Variants in KATNAL2 observed in about 807,000 individuals in gnomAD.
KATNAL2 encodes katanin catalytic subunit A1 like 2, also known as katanin p60 ATPase-containing subunit A-like 2.
KATNAL2 carries 52 observed loss-of-function variants against 76.3 expected under a neutral mutation model. The ratio of observed to expected loss-of-function variants is 0.68; its 90% confidence interval spans 0.55 to 0.86. The LOEUF is 0.86. KATNAL2 is among the 40% of genes least tolerant of loss of function. KATNAL2 has a pLI of 0.00. For missense variants in KATNAL2, 660 were observed against 668.9 expected (o/e 0.99, Z 0.15); for synonymous variants, 243 against 244.2 (o/e 1.00, Z 0.05).
chr18:47,037,522 A>G (rs2060821568), intron 3 of KATNAL2, among the ~76,000 whole-genome samples: 1 of 152,144 alleles, frequency 6.6e-6, no homozygotes, highest in Non-Finnish European at 1.5e-5. Context: ...TTTGCGGGGA[A>G]TGGCTCATTC....
intron 15 of KATNAL2, among the ~76,000 whole-genome samples, chr18:47,089,911 T>TAAA (rs201452881): frequency 2.1e-4 from 32 of 150,618 alleles, no homozygotes; most frequent in African/African-American, 7.8e-4. Context: ...GTATTTCTTT[T>TAAA]AAAAAAAAAA....
At chr18:47,097,004 C>T (rs1344476742) in intron 15 of KATNAL2, among the ~76,000 whole-genome samples, 1 of 150,922 alleles carries the variant, frequency 6.6e-6, no homozygotes, top group Admixed American at 6.6e-5. Context: ...CCTGTAGTCC[C>T]AGCTACTGGG....
intron 3 of KATNAL2, among the ~76,000 whole-genome samples, chr18:46,948,911 T>C (rs1265669591): frequency 6.6e-6 from 1 of 151,766 alleles, no homozygotes; most frequent in Non-Finnish European, 1.5e-5. Flanking sequence ...TGTGTGTGTG[T>C]GTGTGTGTTT....
At chr18:47,058,483 A>G (rs1312633114) in intron 7 of KATNAL2, 131 bp downstream of exon 7, 1 of 611,694 alleles carries the variant, frequency 1.6e-6, no homozygotes, top group Non-Finnish European at 2.9e-6. Flanking sequence ...ATTGAATTTT[A>G]GGTTTTCTTC....
At chr18:46,968,116 C>T (rs1250017357) in intron 3 of KATNAL2, among the ~76,000 whole-genome samples, 2 of 117,454 alleles carry the variant, frequency 1.7e-5, no homozygotes, top group Non-Finnish European at 1.9e-5. Flanking sequence ...TTTGTGGAGA[C>T]GGGGTTTCTC....
intron 10 of KATNAL2, among the ~76,000 whole-genome samples, chr18:47,065,910 A>C (rs1259029541): frequency 6.6e-6 from 1 of 152,094 alleles, no homozygotes; most frequent in Non-Finnish European, 1.5e-5. Flanking sequence ...GGCTGCAGTG[A>C]GTGGTGATCA....
chr18:46,933,730 G>A (rs533159831), intron 1 of KATNAL2, among the ~76,000 whole-genome samples: 6,332 of 142,844 alleles, frequency 0.044, 166 homozygotes, highest in Non-Finnish European at 0.063. Context: ...ATGTTGGTGT[G>A]CTGCACCCAT....
chr18:47,076,826 T>C (rs1008083213), intron 14 of KATNAL2, among the ~76,000 whole-genome samples: 1 of 148,240 alleles, frequency 6.7e-6, no homozygotes, highest in South Asian at 2.1e-4. Flanking sequence ...CACATATATA[T>C]ATAGAGAGAG....
intron 3 of KATNAL2, among the ~76,000 whole-genome samples, chr18:46,954,358 G>T (rs1478568369): frequency 7.6e-6 from 1 of 131,450 alleles, no homozygotes; most frequent in South Asian, 2.6e-4. Flanking sequence ...CTGAGATGGA[G>T]TCTTGCTCTG....
Position 47,054,552 on chromosome 18 carries a change from A to G in KATNAL2, c.332+114A>G, listed in dbSNP as rs185344855. 6,668 of 1,045,676 alleles carry G rather than the reference A, an allele frequency of 6.4e-3. 28 individuals are homozygous for G. The highest frequency in any genetic ancestry group is 8.7e-3 in the Non-Finnish European group (5,960 of 682,880). The allele number at this position is 1,045,676 out of a possible 1,614,324, so 64.8% of individuals were successfully genotyped here. On this transcript the variant is annotated intron_variant, in intron 6 of 17. Transcript: ENST00000683218. ...ACTGTCTCCCAGCAATACTGACTGC[A>G]GTCATGTGACCTGGCCCAGCCCAGG... is the stretch of plus-strand genomic sequence containing the variant.
chr18:47,095,751 G>C (rs1413417989), intron 15 of KATNAL2, among the ~76,000 whole-genome samples: 1 of 152,198 alleles, frequency 6.6e-6, no homozygotes, highest in East Asian at 1.9e-4. Context: ...TGTGGTGTGG[G>C]TGCTGACCAG....
chr18:46,936,912 G>C (rs1285404795), intron 1 of KATNAL2, among the ~76,000 whole-genome samples: 2 of 152,142 alleles, frequency 1.3e-5, no homozygotes, highest in Non-Finnish European at 2.9e-5. Flanking sequence ...ACAAGATCAT[G>C]CCATTGCACT....
chr18:46,957,430 A>G (rs917583583), intron 3 of KATNAL2, among the ~76,000 whole-genome samples: 4 of 146,750 alleles, frequency 2.7e-5, no homozygotes, highest in Admixed American at 1.4e-4. Flanking sequence ...AATTTTTTGT[A>G]TTTTTAGTAG....
chr18:46,956,378 T>C (rs1036093975), intron 3 of KATNAL2, among the ~76,000 whole-genome samples: 2 of 152,214 alleles, frequency 1.3e-5, no homozygotes, highest in African/African-American at 4.8e-5. Flanking sequence ...CATTTTCTCT[T>C]GGTTTTCATG....
chr18:46,958,548 A>T (rs1233901546), intron 3 of KATNAL2, among the ~76,000 whole-genome samples: 3 of 152,224 alleles, frequency 2.0e-5, no homozygotes, highest in Admixed American at 1.3e-4. Flanking sequence ...ACAGATTTGT[A>T]TCACAAGCTT....
rs1301591980 is a variant in KATNAL2, at chr18:47,063,360, G to A, written c.725G>A (p.Arg242Gln). ...EMRELAAVVS[R>Q]DIYLHNPNIK... ...CGAGAATTGGCAGCCGTGGTGAGCC[G>A]GGTAAGATCTGATATTCAATTCACA... Residue 242 changes from arginine to glutamine, a missense_variant and splice_region_variant, in exon 10 of 18, where the codon CGG (arginine) becomes CAG (glutamine). Physicochemically the swap from Arg to Gln is conservative, Grantham distance 43. Coordinates refer to ENST00000683218, the MANE Select transcript of KATNAL2 (RefSeq NM_001387690.1). 14 of 1,613,112 alleles carry A rather than the reference G, an allele frequency of 8.7e-6. No individual in the cohort carries two copies. The highest frequency in any genetic ancestry group is 1.7e-4 in the Middle Eastern group (1 of 6,048).
In KATNAL2 at chr18:47,055,062, C is replaced by A. The variant is rs117454090; in HGVS notation, c.332+624C>A. On this transcript the variant is annotated intron_variant, in intron 6 of 17. Coordinates refer to ENST00000683218, the MANE Select transcript of KATNAL2 (RefSeq NM_001387690.1). ...TAGCCTCTGATGGGAGCCCCTCTGT[C>A]TCTGGACCTTTTTGGGTGCACATAT... Among the ~76,000 whole-genome samples, 144 of 152,348 alleles carry A rather than the reference C, an allele frequency of 9.5e-4. 2 individuals are homozygous for A. In the East Asian group the frequency reaches 0.025, roughly 26 times the overall value.
intron 15 of KATNAL2, among the ~76,000 whole-genome samples, chr18:47,078,179 C>T (rs1461744388): frequency 6.6e-6 from 1 of 152,146 alleles, no homozygotes; most frequent in African/African-American, 2.4e-5. Flanking sequence ...CAAGAGAGGT[C>T]AATCCACCAA....
chr18:47,059,580 G>T lies in KATNAL2; in HGVS notation c.475G>T (p.Glu159Ter), dbSNP rs1263839295. ...NQEVVDNTRL[E>*]SANFGLHISR... ...GGAGGTAGTTGATAACACTCGCCTGGAAAGTGCCAACTTCGGCCTACATAT... is the reference window on the plus strand; with the variant it reads ...GGAGGTAGTTGATAACACTCGCCTGTAAAGTGCCAACTTCGGCCTACATAT... The change falls in exon 8 of 18, where the codon GAA (glutamate) becomes TAA (stop). Residue 159 changes from glutamate to a stop codon, truncating the protein, a stop_gained. Coordinates refer to ENST00000683218, the MANE Select transcript of KATNAL2 (RefSeq NM_001387690.1). LOFTEE classifies it high-confidence loss of function. The T allele has an allele frequency of 3.1e-6, 5 of 1,613,234 alleles. No individual in the cohort carries two copies. The highest frequency in any genetic ancestry group is 4.2e-6 in the Non-Finnish European group (5 of 1,179,318).
Sources: allele counts gnomAD v4.1 joint callset (sites outside exome capture counted in the v4.1 genomes callset), GRCh38; gene constraint gnomAD v4.1.1; transcripts MANE v1.5; gene names NCBI Gene and HGNC (gene_info 2026-07-23, HGNC 2026-07-21).